Variants in SGCD observed in about 807,000 individuals in gnomAD.
SGCD encodes delta-sarcoglycan.
Under a neutral mutation model 36.6 loss-of-function variants are expected in SGCD, and 18 were observed. The ratio of observed to expected loss-of-function variants is 0.49; its 90% CI spans 0.34 to 0.73. The LOEUF (loss-of-function observed/expected upper bound fraction) is 0.73. Among genes scored for constraint, SGCD ranks in the 30% least tolerant of loss-of-function variants. SGCD has a pLI of 0.01. For missense variants in SGCD, 387 were observed against 346.7 expected, an observed-to-expected ratio of 1.12 and a Z score of -0.92; for synonymous variants, 133 against 130.6, an observed-to-expected ratio of 1.02 and a Z score of -0.12.
intron 7 of SGCD, chr5:156,704,320 G>T (rs565795584): frequency 1.3e-5 from 2 of 152,174 alleles, no homozygotes; most frequent in East Asian, 3.9e-4. Flanking sequence ...TAAAAATTCT[G>T]GTCATAAGTC....
chr5:156,625,891 C>T (rs185687405), intron 6 of SGCD, among the ~76,000 whole-genome samples: 4 of 152,220 alleles, frequency 2.6e-5, no homozygotes, highest in African/African-American at 9.6e-5. Flanking sequence ...TGGGGTTAGT[C>T]TGGAGTTGGA....
chr5:155,996,913 A>ATAGATAGATAGG (rs1758564311), intron 1 of SGCD, among the ~76,000 whole-genome samples: 4 of 152,008 alleles, frequency 2.6e-5, no homozygotes, highest in African/African-American at 9.7e-5. Context: ...AGATAGACAG[A>ATAGATAGATAGG]CAGACAGGCA....
intron 4 of SGCD, among the ~76,000 whole-genome samples, chr5:156,540,864 G>A (rs1758323404): frequency 6.6e-6 from 1 of 152,144 alleles, no homozygotes; most frequent in Non-Finnish European, 1.5e-5. Flanking sequence ...CTGGCCAGGG[G>A]GCTGAGGGCT....
intron 1 of SGCD, among the ~76,000 whole-genome samples, chr5:156,099,492 G>A (rs1404684599): frequency 6.6e-6 from 1 of 152,188 alleles, no homozygotes; most frequent in East Asian, 1.9e-4. Context: ...TTGGCTCACA[G>A]CAACCTCTGC....
chr5:155,814,753 A>G, the SGCD span, among the ~76,000 whole-genome samples: 3 of 152,242 alleles, frequency 2.0e-5, no homozygotes, highest in Non-Finnish European at 4.4e-5. Flanking sequence ...TATCTCTTCA[A>G]GATCCTAACT....
At chr5:156,368,193 G>A (rs932012388) in intron 3 of SGCD, among the ~76,000 whole-genome samples, 1 of 151,918 alleles carries the variant, frequency 6.6e-6, no homozygotes, top group Non-Finnish European at 1.5e-5. Context: ...CCGGGTTCAA[G>A]CAATTCTCTG....
chr5:155,949,044 G>A (rs1757500607), intron 1 of SGCD, among the ~76,000 whole-genome samples: 1 of 152,172 alleles, frequency 6.6e-6, no homozygotes, highest in East Asian at 1.9e-4. Flanking sequence ...CTGGGCACAT[G>A]TCCCTTTTCT....
At chr5:155,971,732 C>A (rs773751353) in intron 1 of SGCD, among the ~76,000 whole-genome samples, 10 of 152,060 alleles carry the variant, frequency 6.6e-5, no homozygotes, top group Non-Finnish European at 1.2e-4. Flanking sequence ...ATCCTTCATA[C>A]CTGTTGAGTG....
Position 156,508,587 on chromosome 5 carries a change from GTGT to G in SGCD, c.193-12_193-10del, listed in dbSNP as rs1257262609. ...TAATCATATCTTCCTTGTTATCTCTGTGTTCTATTTCAGGATGGAATGGGAAAC... is the reference window on the plus strand; with the variant it reads ...TAATCATATCTTCCTTGTTATCTCTGTCTATTTCAGGATGGAATGGGAAAC... On this transcript the variant is annotated splice_polypyrimidine_tract_variant and intron_variant, in intron 3 of 8. Transcript: ENST00000337851. The G allele has an allele frequency of 6.5e-7, 1 of 1,531,376 alleles. No individual in the cohort carries two copies. The highest frequency in any genetic ancestry group is 2.3e-5 in the East Asian group (1 of 44,372). The allele number at this position is 1,531,376 out of a possible 1,614,324, so 94.9% of individuals were successfully genotyped here. A position where few individuals can be genotyped will look rare whatever the true frequency, so the allele number is the denominator to read the frequency against.
chr5:155,855,329 T>C, the SGCD span, among the ~76,000 whole-genome samples: 24 of 152,332 alleles, frequency 1.6e-4, no homozygotes, highest in East Asian at 5.8e-4. Flanking sequence ...TACACCAGCA[T>C]TGAGCTCCTT....
At chr5:156,647,807 A>T (rs1442513614) in intron 7 of SGCD, among the ~76,000 whole-genome samples, 1 of 152,146 alleles carries the variant, frequency 6.6e-6, no homozygotes, top group African/African-American at 2.4e-5. Flanking sequence ...ATTTTGTGGT[A>T]CCCAAAACCT....
At chr5:155,779,177 C>T in the SGCD span, among the ~76,000 whole-genome samples, 47 of 152,234 alleles carry the variant, frequency 3.1e-4, no homozygotes, top group African/African-American at 1.1e-3. Context: ...AAATATTTAT[C>T]CACGTGCAGA....
At chr5:156,434,037 C>T (rs1240483220) in intron 3 of SGCD, among the ~76,000 whole-genome samples, 1 of 152,186 alleles carries the variant, frequency 6.6e-6, no homozygotes, top group African/African-American at 2.4e-5. Context: ...TCCCAGTTAC[C>T]AGGAGATGCC....
At position 156,280,458 on chromosome 5, in the gene SGCD, T is replaced by G. The variant is rs371982581; in HGVS notation, c.-43-49076T>G. ...ATTCTTCCTGAGCCACAGAGACTTT[T>G]GAATATTTTATGTATCAGAAGACCT... On this transcript the variant is annotated intron_variant, in intron 3 of 9. Transcript: ENST00000517913. Among the ~76,000 whole-genome samples the G allele has an allele frequency of 3.5e-4, 53 of 152,354 alleles. No individual in the cohort carries two copies. In the South Asian group the frequency reaches 9.5e-3, roughly 27 times the overall value.
intron 1 of SGCD, among the ~76,000 whole-genome samples, chr5:156,101,871 T>C (rs1195443987): frequency 1.3e-5 from 2 of 151,014 alleles, no homozygotes; most frequent in Admixed American, 1.3e-4. Flanking sequence ...ACTATAAACG[T>C]ATAGGAGAAT....
At position 156,762,258 on chromosome 5, in the gene SGCD, T is replaced by A. The variant is rs1349880513; in HGVS notation, c.*2868T>A. The A allele has an allele frequency of 2.6e-5, 4 of 152,664 alleles. No individual in the cohort carries two copies. The highest frequency in any genetic ancestry group is 5.9e-5 in the Non-Finnish European group (4 of 68,040). The allele number at this position is 152,664 out of a possible 1,614,324, so 9.5% of individuals were successfully genotyped here. On this transcript the variant is annotated 3_prime_UTR_variant, in exon 9 of 9. Transcript: ENST00000337851. ...TCATAACAAAGAATCCAAATGAACC[T>A]TCAATATACTAGAAGTTCTAGTAGG...
chr5:156,614,821 A>G (rs566080155), intron 6 of SGCD, among the ~76,000 whole-genome samples: 5 of 152,164 alleles, frequency 3.3e-5, no homozygotes, highest in Non-Finnish European at 5.9e-5. Flanking sequence ...CTTGCTGCTA[A>G]ACTAATGTCT....
At chr5:156,419,834 C>T (rs1250621209) in intron 3 of SGCD, among the ~76,000 whole-genome samples, 4 of 152,138 alleles carry the variant, frequency 2.6e-5, no homozygotes, top group Non-Finnish European at 5.9e-5. Flanking sequence ...ATTCCATCTG[C>T]ATAAGTGATA....
At chr5:155,847,668 C>T in the SGCD span, among the ~76,000 whole-genome samples, 7 of 152,232 alleles carry the variant, frequency 4.6e-5, no homozygotes, top group Admixed American at 3.9e-4. Flanking sequence ...TGGGGCTATT[C>T]TACAGAGAGG....
Sources: allele counts gnomAD v4.1 joint callset (sites outside exome capture counted in the v4.1 genomes callset), GRCh38; gene constraint gnomAD v4.1.1; transcripts MANE v1.5; gene names NCBI Gene and HGNC (gene_info 2026-07-23, HGNC 2026-07-21).